The following PACC1 variants were observed in gnomAD, a reference collection of about 807,000 sequenced individuals.
PACC1 encodes proton activated chloride channel 1, also known as proton-activated chloride channel.
A neutral mutation model predicts 39.7 loss-of-function variants in PACC1; 34 were observed. The observed-to-expected ratio is 0.86, with a 90% CI of 0.65 to 1.14. The LOEUF (loss-of-function observed/expected upper bound fraction) is 1.14. Ranked by LOEUF, PACC1 falls within the 50% of genes most tolerant of loss-of-function variation. The probability of loss-of-function intolerance (pLI) is 0.00; values close to 1 mark genes in which losing one functional copy is unlikely to be tolerated. For missense variants in PACC1, 379 were observed against 436.4 expected, an observed-to-expected ratio of 0.87 and a Z score of 1.17; for synonymous variants, 127 against 160.6, an observed-to-expected ratio of 0.79 and a Z score of 1.58.
chr1:212,375,259 T>A lies in PACC1; in HGVS notation c.825A>T (p.Lys275Asn), dbSNP rs780651393. The change falls in exon 7 of 8, where the codon AAA (lysine) becomes AAT (asparagine). Residue 275 changes from lysine (K) to asparagine (N), a missense_variant. Lys to Asn is a moderately conservative substitution (Grantham distance 94). Coordinates refer to ENST00000261455, the MANE Select transcript of PACC1 (RefSeq NM_018252.3). ...VNYIDQRPAA[K>N]KSAQLFFVVF... ...CCACAAAAAACAATTGAGCACTTTT[T>A]TTGGCAGCTGGCCTCTGGTCAATGT... 1.2e-6 allele frequency: 2 copies of A among 1,614,066 alleles called. No homozygotes were observed. Among genetic ancestry groups the A allele is most frequent in the Non-Finnish European group, 1.7e-6 (2 of 1,179,914 alleles).
At chr1:212,385,838 G>T (rs58550471) in intron 3 of PACC1, among the ~76,000 whole-genome samples, 2 of 152,210 alleles carry the variant, frequency 1.3e-5, no homozygotes, top group East Asian at 3.9e-4. Context: ...CTTAGACTGG[G>T]AGCCCCAAGT....
intron 2 of PACC1, among the ~76,000 whole-genome samples, chr1:212,393,129 A>G (rs534909758): frequency 2.6e-5 from 4 of 152,246 alleles, no homozygotes; most frequent in Non-Finnish European, 5.9e-5. Context: ...TCAACAGAAT[A>G]TACATTCTTC....
intron 2 of PACC1, among the ~76,000 whole-genome samples, chr1:212,395,092 A>G (rs1448768545): frequency 1.3e-5 from 2 of 152,178 alleles, no homozygotes; most frequent in African/African-American, 2.4e-5. Flanking sequence ...ACTACTTTAA[A>G]GTTCATATGG....
chr1:212,367,253 A>G (rs1660278733), intron 7 of PACC1, among the ~76,000 whole-genome samples: 1 of 152,318 alleles, frequency 6.6e-6, no homozygotes, highest in South Asian at 2.1e-4. Flanking sequence ...GTTTAGTATA[A>G]TAACAGGAAA....
At chr1:212,395,590 G>A (rs1182860948) in intron 2 of PACC1, among the ~76,000 whole-genome samples, 1 of 152,014 alleles carries the variant, frequency 6.6e-6, no homozygotes, top group Admixed American at 6.6e-5. Context: ...GACAAATGGG[G>A]CCTAATTAAA....
intron 4 of PACC1, 86 bp downstream of exon 4, chr1:212,385,188 C>T (rs951232891): frequency 2.3e-5 from 34 of 1,502,424 alleles, no homozygotes; most frequent in Non-Finnish European, 3.1e-5. Context: ...GGAAGAAGGA[C>T]TCCTAGGAAA....
intron 7 of PACC1, among the ~76,000 whole-genome samples, chr1:212,368,826 A>C (rs1011429144): frequency 2.0e-5 from 3 of 152,112 alleles, no homozygotes; most frequent in Admixed American, 6.5e-5. Flanking sequence ...AGGTCATGAG[A>C]TCAAGACCAT....
At chr1:212,403,684 C>T (rs1661797013) in intron 2 of PACC1, among the ~76,000 whole-genome samples, 1 of 152,194 alleles carries the variant, frequency 6.6e-6, no homozygotes, top group African/African-American at 2.4e-5. Context: ...TCCACCTCAG[C>T]CTCCCAAGTA....
rs1477446297 is a variant in PACC1, at chr1:212,385,386, C to G, written c.383G>C (p.Cys128Ser). 1 of 1,613,976 alleles carries G rather than the reference C, an allele frequency of 6.2e-7. No individual in the cohort carries two copies. The highest frequency in any genetic ancestry group is 1.3e-5 in the African/African-American group (1 of 74,862). Residue 128 changes from cysteine (C) to serine (S), a missense_variant, in exon 4 of 8, where the codon TGT becomes TCT. Cys to Ser is a moderately radical substitution (Grantham distance 112). Transcript: ENST00000261455. The stretch of plus-strand genomic sequence containing the variant: ...AGGAATGACCTCGTAATGGTGCTTA[C>G]AGCTGAGCAACTGGGCCTGACCGGG... ...LYPGQAQLLS[C>S]KHHYEVIPPL...
intron 4 of PACC1, among the ~76,000 whole-genome samples, chr1:212,381,921 C>G (rs11590672): frequency 0.18 from 27,487 of 152,264 alleles, 2,733 homozygotes; most frequent in Middle Eastern, 0.3. Flanking sequence ...GGACTGTTCT[C>G]AGAGAGAGAA....
intron 7 of PACC1, among the ~76,000 whole-genome samples, chr1:212,368,674 TAAAAA>T (rs374203801): frequency 1.4e-5 from 2 of 144,028 alleles, no homozygotes; most frequent in East Asian, 4.1e-4. Context: ...AATACACAAA[TAAAAA>T]AAAAAGAATG....
At chr1:212,406,994 G>A (rs549206995) in intron 2 of PACC1, among the ~76,000 whole-genome samples, 1 of 152,316 alleles carries the variant, frequency 6.6e-6, no homozygotes, top group Admixed American at 6.5e-5. Flanking sequence ...GCAAGGTGTG[G>A]TAGGCAGAAT....
chr1:212,403,894 G>A (rs574579444), intron 2 of PACC1, among the ~76,000 whole-genome samples: 2 of 151,746 alleles, frequency 1.3e-5, no homozygotes, highest in East Asian at 3.9e-4. Context: ...GCCTCTCTAG[G>A]CTCCATCTCT....
chr1:212,390,429 GAAA>G (rs569040186), intron 2 of PACC1, among the ~76,000 whole-genome samples: 1 of 73,952 alleles, frequency 1.4e-5, no homozygotes. Context: ...ATCTCAAAAA[GAAA>G]AAAAAAAAAA....
intron 2 of PACC1, among the ~76,000 whole-genome samples, chr1:212,404,074 C>T (rs1170952428): frequency 6.6e-6 from 1 of 152,010 alleles, no homozygotes; most frequent in Non-Finnish European, 1.5e-5. Context: ...TCACTTTACT[C>T]CTCTTACTGT....
chr1:212,372,251 C>CTCCA (rs1312697839), intron 7 of PACC1, among the ~76,000 whole-genome samples: 1 of 148,250 alleles, frequency 6.7e-6, no homozygotes, highest in Non-Finnish European at 1.5e-5. Flanking sequence ...TGCCACTGCA[C>CTCCA]TCCAGGCTGG....
chr1:212,384,538 T>C (rs1187601280), intron 4 of PACC1, among the ~76,000 whole-genome samples: 1 of 152,246 alleles, frequency 6.6e-6, no homozygotes, highest in East Asian at 1.9e-4. Flanking sequence ...CTTTAGGTCA[T>C]GGTGCAATTT....
At chr1:212,405,257 A>G (rs566271756) in intron 2 of PACC1, among the ~76,000 whole-genome samples, 36 of 152,258 alleles carry the variant, frequency 2.4e-4, no homozygotes, top group Non-Finnish European at 4.1e-4. Flanking sequence ...TCATACTTCT[A>G]TGGAGTCATA....
intron 2 of PACC1, among the ~76,000 whole-genome samples, chr1:212,388,074 A>AAAAG (rs1047676499): frequency 3.7e-4 from 56 of 151,978 alleles, no homozygotes; most frequent in African/African-American, 1.3e-3. Context: ...AAAAAAAGAA[A>AAAAG]AAAGAAAGAA....
Sources: gnomAD v4.1 joint callset for allele counts (sites outside exome capture counted in the v4.1 genomes callset) on GRCh38, gnomAD v4.1.1 for gene constraint, MANE v1.5 for transcripts, NCBI Gene and HGNC (gene_info 2026-07-23, HGNC 2026-07-21) for gene names.